The following PPP2R5A variants were observed in gnomAD, a reference collection of about 807,000 sequenced individuals.
PPP2R5A encodes the protein serine/threonine-protein phosphatase 2A 56 kDa regulatory subunit alpha isoform.
PPP2R5A carries 25 observed loss-of-function variants against 64.2 expected under a neutral mutation model. The observed-to-expected ratio is 0.39, with a 90% CI of 0.28 to 0.54. The LOEUF is 0.54. Ranked by LOEUF, PPP2R5A falls within the 20% of genes least tolerant of loss-of-function variation. PPP2R5A has a pLI of 0.67. For missense variants in PPP2R5A, 425 were observed against 576.3 expected (o/e 0.74, Z 2.69); for synonymous variants, 198 against 201.2 (o/e 0.98, Z 0.13).
intron 1 of PPP2R5A, among the ~76,000 whole-genome samples, chr1:212,293,856 C>G (rs1445648877): frequency 6.6e-6 from 1 of 152,082 alleles, no homozygotes; most frequent in Non-Finnish European, 1.5e-5. Context: ...AATGGGATCT[C>G]AGAAGTCATT....
chr1:212,311,498 T>G (rs1308126070), intron 1 of PPP2R5A, among the ~76,000 whole-genome samples: 2 of 152,130 alleles, frequency 1.3e-5, no homozygotes, highest in Non-Finnish European at 2.9e-5. Flanking sequence ...GCATATACAA[T>G]TATGTACAAT....
intron 1 of PPP2R5A, among the ~76,000 whole-genome samples, chr1:212,323,548 T>C (rs1659351047): frequency 6.6e-6 from 1 of 152,198 alleles, no homozygotes; most frequent in African/African-American, 2.4e-5. Context: ...AGTTGTAACA[T>C]TAACTGCTTC....
In PPP2R5A at chr1:212,286,062, C is replaced by A; in HGVS notation, c.-49C>A. On this transcript the variant is annotated 5_prime_UTR_variant, in exon 1 of 13. Transcript: ENST00000261461. ...TCCTCCTGCCGTCTCCGCCGCTGCC[C>A]GTGCCTTGCAAGCAGCAGCCGGAGC... is the stretch of plus-strand genomic sequence containing the variant. The A allele has an allele frequency of 6.8e-7, 1 of 1,480,022 alleles. No individual in the cohort carries two copies. The highest frequency in any genetic ancestry group is 1.3e-5 in the South Asian group (1 of 77,760). 91.7% of individuals were successfully genotyped at this position (1,480,022 alleles called of 1,614,324 possible).
chr1:212,322,076 C>T (rs1003807516), intron 1 of PPP2R5A, among the ~76,000 whole-genome samples: 1 of 151,286 alleles, frequency 6.6e-6, no homozygotes, highest in Non-Finnish European at 1.5e-5. Context: ...CAATCGCAGG[C>T]ACTCGGCAGG....
chr1:212,297,120 TTTTTTTTTTTTTTTTTTTG>T (rs1401866356), intron 1 of PPP2R5A, among the ~76,000 whole-genome samples: 9 of 24,698 alleles, frequency 3.6e-4, no homozygotes, highest in African/African-American at 1.5e-3. Context: ...TTTTTTTTTT[TTTTTTTTTTTTTTTTTTTG>T]GAGACGGAGT....
At chr1:212,339,992 TA>T (rs67654928) in intron 3 of PPP2R5A, among the ~76,000 whole-genome samples, 12,362 of 71,670 alleles carry the variant, frequency 0.17, 528 homozygotes, top group South Asian at 0.35. Context: ...ACATGCTGCT[TA>T]AAAAAAAAAA....
In PPP2R5A at chr1:212,354,977, G is replaced by A. The variant is rs113076382; in HGVS notation, c.928-1649G>A. ...TACCATCTAGGTTTAAGTACACCCT[G>A]TGACATTTAAATGATGAAGTTGCCT... On this transcript the variant is annotated intron_variant, in intron 8 of 12. Coordinates refer to ENST00000261461, the MANE Select transcript of PPP2R5A (RefSeq NM_006243.4). 1.8e-3 allele frequency among the ~76,000 whole-genome samples: 276 copies of A among 152,266 alleles called. 3 individuals are homozygous for A. Among genetic ancestry groups the A allele is most frequent in the African/African-American group, 6.4e-3 (265 of 41,548 alleles).
At chr1:212,358,408 T>C (rs1465946858) in intron 11 of PPP2R5A, 2 of 199,934 alleles carry the variant, frequency 1.0e-5, no homozygotes. Context: ...GACATGAGAC[T>C]GTAAAGCAGA....
intron 12 of PPP2R5A, 102 bp downstream of exon 12, chr1:212,358,889 TAAG>T (rs1288957557): frequency 2.2e-5 from 19 of 872,296 alleles, no homozygotes; most frequent in Non-Finnish European, 3.3e-5. Flanking sequence ...TTTTCATATT[TAAG>T]AAGTTAATTA....
intron 1 of PPP2R5A, among the ~76,000 whole-genome samples, chr1:212,303,400 G>T (rs896112461): frequency 6.6e-5 from 10 of 152,046 alleles, no homozygotes; most frequent in African/African-American, 1.9e-4. Flanking sequence ...TTGGAGAAAT[G>T]ACTCTTTAGA....
intron 1 of PPP2R5A, among the ~76,000 whole-genome samples, chr1:212,307,059 G>T (rs1160419248): frequency 6.6e-6 from 1 of 151,902 alleles, no homozygotes. Flanking sequence ...ATGCCCCTCC[G>T]GTTAATCCAT....
chr1:212,322,085 G>A (rs962233612), intron 1 of PPP2R5A, among the ~76,000 whole-genome samples: 5 of 151,432 alleles, frequency 3.3e-5, no homozygotes, highest in African/African-American at 4.8e-5. Context: ...GCACTCGGCA[G>A]GCTGAGGCAG....
intron 1 of PPP2R5A, among the ~76,000 whole-genome samples, chr1:212,316,858 G>C (rs17018922): frequency 0.078 from 11,912 of 152,036 alleles, 1,512 homozygotes; most frequent in African/African-American, 0.27. Context: ...ATGCTGGAAT[G>C]TAGGAACCTC....
At chr1:212,316,799 T>TA (rs1378779907) in intron 1 of PPP2R5A, among the ~76,000 whole-genome samples, 1 of 152,034 alleles carries the variant, frequency 6.6e-6, no homozygotes, top group East Asian at 1.9e-4. Flanking sequence ...GGTTGGGGCT[T>TA]ATTGATTATC....
rs534255100 is a variant in PPP2R5A at position 212,360,769 on chromosome 1, A to T, written c.1460A>T (p.Ter487LeuextTer32). 1.4e-6 allele frequency: 2 copies of T among 1,456,940 alleles called. No individual in the cohort carries two copies. Among genetic ancestry groups the T allele is most frequent in the Non-Finnish European group, 1.8e-6 (2 of 1,100,162 alleles). 90.3% of individuals were successfully genotyped at this position (1,456,940 alleles called of 1,614,324 possible). A position where few individuals can be genotyped will look rare whatever the true frequency, so the allele number is the denominator to read the frequency against. Reference protein sequence around the residue: ...HSILSNTSAE* With the variant: ...HSILSNTSAEL The stretch of plus-strand genomic sequence containing the variant: ...ATTCTCAGCAATACAAGTGCCGAAT[A>T]AAAAAAAAGCCTCCCACCTCTGCCG... The change falls in exon 13 of 13, where the codon TAA (stop) becomes TTA (leucine). Residue 487 changes from the stop codon to leucine, a stop_lost. Coordinates refer to ENST00000261461, the MANE Select transcript of PPP2R5A (RefSeq NM_006243.4).
At chr1:212,332,097 C>T (rs1309383450) in intron 2 of PPP2R5A, among the ~76,000 whole-genome samples, 3 of 152,134 alleles carry the variant, frequency 2.0e-5, no homozygotes, top group Admixed American at 6.5e-5. Flanking sequence ...CAAATTGTAT[C>T]GATGGCTTGC....
chr1:212,338,778 CT>C (rs1193264948), intron 3 of PPP2R5A, among the ~76,000 whole-genome samples: 5 of 140,038 alleles, frequency 3.6e-5, no homozygotes, highest in African/African-American at 1.4e-4. Context: ...CAAAGCAAGA[CT>C]CTGTCTCAAA....
At position 212,285,740 on chromosome 1, in the gene PPP2R5A, G is replaced by A. The variant is rs1658481241; in HGVS notation, c.-371G>A. 5.7e-6 allele frequency: 1 copy of A among 175,998 alleles called. No homozygotes were observed. 10.9% of individuals were successfully genotyped at this position (175,998 alleles called of 1,614,324 possible). A position where few individuals can be genotyped will look rare whatever the true frequency, so the allele number is the denominator to read the frequency against. ...GGCTGGCGACGGGGGCAGAAGCGAC[G>A]AGAGGCGCGCTCGGCACCCGCACCC... On this transcript the variant is annotated 5_prime_UTR_variant, in exon 1 of 13. Coordinates refer to ENST00000261461, the MANE Select transcript of PPP2R5A (RefSeq NM_006243.4).
At chr1:212,297,774 A>G (rs1188073237) in intron 1 of PPP2R5A, 1 of 151,666 alleles carries the variant, frequency 6.6e-6, no homozygotes, top group Non-Finnish European at 1.5e-5. Context: ...CATTTGTTTT[A>G]TGAATGAGTA....
Sources: gnomAD v4.1 joint callset for allele counts (sites outside exome capture counted in the v4.1 genomes callset) on GRCh38, gnomAD v4.1.1 for gene constraint, MANE v1.5 for transcripts, NCBI Gene and HGNC (gene_info 2026-07-23, HGNC 2026-07-21) for gene names.